The following THSD4 variants were observed in gnomAD, a reference collection of about 807,000 sequenced individuals.
THSD4 encodes the protein thrombospondin type-1 domain-containing protein 4.
Under a neutral mutation model 119.0 loss-of-function variants are expected in THSD4, and 69 were observed. That is an observed-to-expected ratio of 0.58 (90% confidence interval 0.48 to 0.71). The LOEUF (loss-of-function observed/expected upper bound fraction) is 0.71, where lower values mean the gene tolerates loss of function less well. Ranked by LOEUF, THSD4 falls within the 30% of genes least tolerant of loss-of-function variation. The pLI is 0.00. For missense variants in THSD4, 1,393 were observed against 1,391.1 expected (o/e 1.00, Z -0.02); for synonymous variants, 524 against 540.4 (o/e 0.97, Z 0.42).
intron 4 of THSD4, among the ~76,000 whole-genome samples, chr15:71,224,728 T>C (rs1256223081): frequency 6.6e-6 from 1 of 152,204 alleles, no homozygotes; most frequent in Non-Finnish European, 1.5e-5. Flanking sequence ...GGCTGCCTAC[T>C]TGCATTGGCT....
At chr15:71,625,717 T>A (rs2140935299) in intron 7 of THSD4, among the ~76,000 whole-genome samples, 1 of 152,318 alleles carries the variant, frequency 6.6e-6, no homozygotes, top group South Asian at 2.1e-4. Context: ...TAATTAGCAG[T>A]AACTATATTC....
chr15:71,725,397 G>A (rs1421126654), intron 8 of THSD4, among the ~76,000 whole-genome samples: 5 of 152,268 alleles, frequency 3.3e-5, no homozygotes, highest in South Asian at 2.1e-4. Context: ...ATTCACATAT[G>A]GTAGTTGAAA....
At position 71,494,261 on chromosome 15, in the gene THSD4, T is replaced by G. The variant is rs184412485; in HGVS notation, c.1152+82438T>G. ...GGAACATTATTTGGTTAAATTATAA[T>G]AAAATAGGTGAATACTAACTTTTTT... is the stretch of plus-strand genomic sequence containing the variant. On this transcript the variant is annotated intron_variant, in intron 7 of 17. Transcript: ENST00000261862. 4.6e-5 allele frequency among the ~76,000 whole-genome samples: 7 copies of G among 152,292 alleles called. No homozygotes were observed. The East Asian group carries it at 1.4e-3, about 29-fold the overall frequency.
intron 7 of THSD4, among the ~76,000 whole-genome samples, chr15:71,417,304 C>CT (rs1360596530): frequency 9.3e-6 from 1 of 107,774 alleles, no homozygotes; most frequent in East Asian, 3.1e-4. Context: ...CAAGAAATCT[C>CT]TGCCCAGTCC....
chr15:71,456,708 G>A (rs1372216), intron 7 of THSD4, among the ~76,000 whole-genome samples: 4,723 of 152,086 alleles, frequency 0.031, 114 homozygotes, highest in African/African-American at 0.05. Flanking sequence ...AGAGTGTTAG[G>A]GTAGAATGGG....
chr15:71,267,880 T>G (rs2044481581), intron 6 of THSD4, among the ~76,000 whole-genome samples: 1 of 152,084 alleles, frequency 6.6e-6, no homozygotes. Context: ...TACATAATGG[T>G]AAAGGGATCA....
Position 71,242,915 on chromosome 15 carries a change from A to G in THSD4, c.731A>G (p.Gln244Arg), listed in dbSNP as rs749666149. 1.9e-6 allele frequency: 3 copies of G among 1,614,182 alleles called. No individual in the cohort carries two copies. The Admixed American group carries it at 5.0e-5, about 27-fold the overall frequency. The stretch of plus-strand genomic sequence containing the variant: ...CAGGCTGCGGAGGCCCCCATCTACC[A>G]GCTACCTTTGACCCATGATCAAGGC... The part of the protein sequence containing the change: ...GLQAAEAPIY[Q>R]LPLTHDQGYP... Residue 244 changes from glutamine (Q) to arginine (R), a missense_variant, in exon 5 of 18, where the codon CAG becomes CGG. Physicochemically the swap from Gln to Arg is conservative, Grantham distance 43 (BLOSUM62 1). Coordinates refer to ENST00000261862, the MANE Select transcript of THSD4 (RefSeq NM_024817.3).
At chr15:71,681,882 G>T (rs1440052020) in intron 8 of THSD4, among the ~76,000 whole-genome samples, 1 of 151,988 alleles carries the variant, frequency 6.6e-6, no homozygotes, top group Non-Finnish European at 1.5e-5. Flanking sequence ...ATGAGGATTG[G>T]GCTATTAGAT....
At chr15:71,222,515 G>A (rs1471721027) in intron 4 of THSD4, among the ~76,000 whole-genome samples, 3 of 152,168 alleles carry the variant, frequency 2.0e-5, no homozygotes, top group East Asian at 1.9e-4. Context: ...TTCTTCTCCT[G>A]GAGACAGCTG....
chr15:71,594,211 CTT>C (rs553999282), intron 7 of THSD4, among the ~76,000 whole-genome samples: 9 of 142,546 alleles, frequency 6.3e-5, no homozygotes, highest in Non-Finnish European at 4.6e-5. Flanking sequence ...TGGATGAATC[CTT>C]TTTTTTTTTT....
intron 6 of THSD4, among the ~76,000 whole-genome samples, chr15:71,339,167 C>A (rs1264565065): frequency 6.6e-6 from 1 of 152,176 alleles, no homozygotes; most frequent in Non-Finnish European, 1.5e-5. Flanking sequence ...CTGGGTTCTT[C>A]ATAGCATTTT....
chr15:71,232,294 C>G (rs1450778795), intron 4 of THSD4, among the ~76,000 whole-genome samples: 1 of 152,120 alleles, frequency 6.6e-6, no homozygotes, highest in Non-Finnish European at 1.5e-5. Context: ...AAAGCAGTAG[C>G]CTTTATTGAC....
At position 71,361,536 on chromosome 15, in the gene THSD4, T is replaced by G. The variant is rs760949791; in HGVS notation, c.1016-50151T>G. On this transcript the variant is annotated intron_variant, in intron 6 of 17. Coordinates refer to ENST00000261862, the MANE Select transcript of THSD4 (RefSeq NM_024817.3). The stretch of plus-strand genomic sequence containing the variant: ...ATCGTTGAAGATATGGGCTTCCTCA[T>G]ACATTTCCAATGGAAGTGTAATTTG... Among the ~76,000 whole-genome samples the G allele has an allele frequency of 5.9e-5, 9 of 152,358 alleles. No individual in the cohort carries two copies. In the South Asian group the frequency reaches 8.3e-4, roughly 14 times the overall value.
intron 8 of THSD4, among the ~76,000 whole-genome samples, chr15:71,695,686 A>G (rs2052152023): frequency 6.6e-6 from 1 of 152,080 alleles, no homozygotes; most frequent in African/African-American, 2.4e-5. Context: ...AGGGAGCCAC[A>G]GCCCCTGCAC....
intron 6 of THSD4, among the ~76,000 whole-genome samples, chr15:71,330,117 T>C (rs535994535): frequency 2.2e-4 from 33 of 151,188 alleles, no homozygotes; most frequent in African/African-American, 7.8e-4. Context: ...CCATGATTGT[T>C]CTAGTATTGT....
At chr15:71,260,591 T>C (rs1417644480) in intron 6 of THSD4, among the ~76,000 whole-genome samples, 1 of 152,164 alleles carries the variant, frequency 6.6e-6, no homozygotes, top group African/African-American at 2.4e-5. Context: ...TACTGGGAAA[T>C]GCAAGAGGTG....
At chr15:71,425,126 G>A (rs1275890806) in intron 7 of THSD4, among the ~76,000 whole-genome samples, 7 of 152,190 alleles carry the variant, frequency 4.6e-5, no homozygotes, top group Admixed American at 4.6e-4. Context: ...GCTGATGCAA[G>A]CCAGCAAGGA....
intron 7 of THSD4, among the ~76,000 whole-genome samples, chr15:71,578,330 G>A (rs1490313646): frequency 1.3e-5 from 2 of 152,030 alleles, no homozygotes; most frequent in Non-Finnish European, 2.9e-5. Context: ...CTTAACAGGT[G>A]ACTCGAGGTT....
intron 8 of THSD4, among the ~76,000 whole-genome samples, chr15:71,725,764 A>AGT (rs1347299079): frequency 1.3e-5 from 2 of 152,148 alleles, no homozygotes; most frequent in African/African-American, 2.4e-5. Flanking sequence ...TTGAGGAATT[A>AGT]GTGGGAAGTG....
Sources: allele counts gnomAD v4.1 joint callset (sites outside exome capture counted in the v4.1 genomes callset), GRCh38; gene constraint gnomAD v4.1.1; transcripts MANE v1.5; gene names NCBI Gene and HGNC (gene_info 2026-07-23, HGNC 2026-07-21).